RBFOX1: variants seen among roughly 807,000 people sequenced by gnomAD.
RBFOX1 encodes RNA binding fox-1 homolog 1.
In RBFOX1, 8 loss-of-function variants were observed where a neutral mutation model predicts 57.7. That is an observed-to-expected ratio of 0.14 (90% CI 0.08 to 0.25). The LOEUF (loss-of-function observed/expected upper bound fraction) is 0.25, where lower values mean the gene tolerates loss of function less well. Ranked by LOEUF, RBFOX1 falls within the 10% of genes least tolerant of loss-of-function variation. The pLI, the probability that RBFOX1 is intolerant of heterozygous loss-of-function variation, is 1.00. For synonymous variants in RBFOX1, 326 were observed against 222.4 expected (o/e 1.47, Z -4.15); for missense variants, 611 against 548.5 (o/e 1.11, Z -1.14).
At chr16:7,413,297 G>T (rs2098447474) in intron 4 of RBFOX1, among the ~76,000 whole-genome samples, 1 of 151,804 alleles carries the variant, frequency 6.6e-6, no homozygotes, top group South Asian at 2.1e-4. Flanking sequence ...CTCTCCCCTG[G>T]CCACCCTCCT....
intron 4 of RBFOX1, among the ~76,000 whole-genome samples, chr16:7,449,703 A>C (rs182493757): frequency 7.5e-6 from 1 of 133,962 alleles, no homozygotes; most frequent in East Asian, 2.5e-4. Context: ...GCTGGAGAAA[A>C]AGAAACATGT....
intron 3 of RBFOX1, among the ~76,000 whole-genome samples, chr16:6,966,128 A>G (rs968608917): frequency 3.3e-5 from 5 of 152,180 alleles, no homozygotes; most frequent in Admixed American, 2.0e-4. Context: ...TAAAAAGCAC[A>G]TAAGGCATGG....
chr16:6,285,721 A>G (rs980915484), intron 1 of RBFOX1, among the ~76,000 whole-genome samples: 2 of 152,142 alleles, frequency 1.3e-5, no homozygotes, highest in African/African-American at 4.8e-5. Flanking sequence ...GCTAAGGACA[A>G]TAGGGTCTGT....
At chr16:5,330,565 C>T (rs530026996) in intron 1 of RBFOX1, among the ~76,000 whole-genome samples, 11 of 152,036 alleles carry the variant, frequency 7.2e-5, no homozygotes, top group Admixed American at 2.0e-4. Context: ...CTACCATGCC[C>T]GGCTAATTTT....
intron 1 of RBFOX1, among the ~76,000 whole-genome samples, chr16:6,180,765 C>A (rs548534419): frequency 6.6e-6 from 1 of 151,990 alleles, no homozygotes; most frequent in Admixed American, 6.6e-5. Context: ...GGGGTTTCAC[C>A]GGGTTGGCCA....
At chr16:6,689,262 A>G (rs1258514847) in intron 3 of RBFOX1, among the ~76,000 whole-genome samples, 1 of 152,158 alleles carries the variant, frequency 6.6e-6, no homozygotes, top group East Asian at 1.9e-4. Context: ...CTGAGGTTGA[A>G]TTGTTTCTTG....
At chr16:6,790,386 T>C (rs1458590568) in intron 3 of RBFOX1, among the ~76,000 whole-genome samples, 8 of 152,032 alleles carry the variant, frequency 5.3e-5, no homozygotes, top group Admixed American at 3.9e-4. Flanking sequence ...GGTTTCACCA[T>C]GTTTGCCTGG....
intron 1 of RBFOX1, among the ~76,000 whole-genome samples, chr16:5,337,162 G>T (rs2151287424): frequency 6.6e-6 from 1 of 152,338 alleles, no homozygotes; most frequent in African/African-American, 2.4e-5. Context: ...CATGGCTCAG[G>T]TGACAAAAGA....
At chr16:6,081,461 A>G (rs185236983) in intron 1 of RBFOX1, among the ~76,000 whole-genome samples, 1 of 152,130 alleles carries the variant, frequency 6.6e-6, no homozygotes, top group Non-Finnish European at 1.5e-5. Context: ...TGAGCTGAAG[A>G]TGAAGGTGGT....
At chr16:5,822,659 G>A (rs188810694) in intron 3 of RBFOX1, among the ~76,000 whole-genome samples, 14 of 152,282 alleles carry the variant, frequency 9.2e-5, no homozygotes, top group Admixed American at 7.2e-4. Context: ...AAGAATTACG[G>A]AATTATGTCT....
At chr16:7,525,429 A>G (rs535213484) in intron 5 of RBFOX1, among the ~76,000 whole-genome samples, 2 of 152,204 alleles carry the variant, frequency 1.3e-5, no homozygotes, top group South Asian at 4.2e-4. Context: ...ATTGCTCTCC[A>G]TCTCTGTTTG....
At chr16:5,871,077 A>C (rs952631084) in intron 4 of RBFOX1, among the ~76,000 whole-genome samples, 1 of 152,242 alleles carries the variant, frequency 6.6e-6, no homozygotes, top group African/African-American at 2.4e-5. Context: ...AAAACATGAC[A>C]GCAAGCTGTT....
chr16:6,334,958 C>T (rs2083451144), intron 2 of RBFOX1, among the ~76,000 whole-genome samples: 1 of 152,186 alleles, frequency 6.6e-6, no homozygotes, highest in South Asian at 2.1e-4. Flanking sequence ...ATATTACTGT[C>T]AAGCAAGAGA....
chr16:7,048,209 T>A (rs1024240963), intron 3 of RBFOX1, among the ~76,000 whole-genome samples: 10 of 151,864 alleles, frequency 6.6e-5, no homozygotes, highest in Non-Finnish European at 1.2e-4. Context: ...TTTAAAAAAA[T>A]TTAGTTATTT....
intron 2 of RBFOX1, among the ~76,000 whole-genome samples, chr16:6,459,462 A>G (rs2094856756): frequency 6.6e-6 from 1 of 152,234 alleles, no homozygotes; most frequent in Non-Finnish European, 1.5e-5. Flanking sequence ...TCAAGCTTCA[A>G]AATAATCTAA....
intron 2 of RBFOX1, among the ~76,000 whole-genome samples, chr16:6,645,400 T>A (rs936128982): frequency 6.6e-6 from 1 of 152,116 alleles, no homozygotes; most frequent in Admixed American, 6.5e-5. Flanking sequence ...GTCCGGTGTT[T>A]CTCTCCACAT....
At chr16:7,497,800 C>T (rs1026628200) in intron 4 of RBFOX1, among the ~76,000 whole-genome samples, 1 of 152,214 alleles carries the variant, frequency 6.6e-6, no homozygotes, top group African/African-American at 2.4e-5. Context: ...CTCAGAATGT[C>T]TACGGATGCC....
At chr16:6,993,587 A>G (rs1175597488) in intron 3 of RBFOX1, among the ~76,000 whole-genome samples, 2 of 152,160 alleles carry the variant, frequency 1.3e-5, no homozygotes, top group South Asian at 2.1e-4. Context: ...TGGTGCTGCA[A>G]CATATGGAGA....
At chr16:7,374,114 C>T (rs959146834) in intron 4 of RBFOX1, among the ~76,000 whole-genome samples, 2 of 152,018 alleles carry the variant, frequency 1.3e-5, no homozygotes, top group East Asian at 1.9e-4. Flanking sequence ...TGGTGTGGAA[C>T]GAAGGGCCAC....
Sources: allele counts gnomAD v4.1 joint callset (sites outside exome capture counted in the v4.1 genomes callset), GRCh38; gene constraint gnomAD v4.1.1; transcripts MANE v1.5; gene names NCBI Gene and HGNC (gene_info 2026-07-23, HGNC 2026-07-21).